Variants in ZNF439 observed in about 807,000 individuals in gnomAD.
The protein encoded by ZNF439 is zinc finger protein 439.
ZNF439 carries 40 observed loss-of-function variants against 47.3 expected under a neutral mutation model. That is an observed-to-expected ratio of 0.85 (90% CI 0.66 to 1.10). The LOEUF is 1.10. Ranked by LOEUF, ZNF439 falls within the 50% of genes least tolerant of loss-of-function variation. ZNF439 has a pLI of 0.00. For missense variants in ZNF439, 556 were observed against 601.1 expected (o/e 0.93, Z 0.78); for synonymous variants, 171 against 198.8 (o/e 0.86, Z 1.18).
Position 11,867,917 on chromosome 19 carries a change from G to C in ZNF439, c.863G>C (p.Arg288Thr), listed in dbSNP as rs1378336768. ...QECGKAFHSP[R>T]SCHRHERSHM... is the part of the protein sequence containing the mutation. ...TGTGGGAAAGCATTCCATAGTCCCAGATCCTGTCACAGACATGAAAGGAGT... is the reference window on the plus strand; with the variant it reads ...TGTGGGAAAGCATTCCATAGTCCCACATCCTGTCACAGACATGAAAGGAGT... The change falls in exon 4 of 4, where the codon AGA becomes ACA. Residue 288 changes from arginine (R) to threonine (T), a missense_variant. By Grantham distance (71) the Arg-to-Thr change is moderately conservative (BLOSUM62 -1). Transcript: ENST00000682736. 2 of 1,613,818 alleles carry C rather than the reference G, an allele frequency of 1.2e-6. No individual in the cohort carries two copies. Among genetic ancestry groups the C allele is most frequent in the South Asian group, 1.1e-5 (1 of 91,070 alleles).
intron 1 of ZNF439, among the ~76,000 whole-genome samples, chr19:11,852,384 A>G (rs1976271772): frequency 6.6e-6 from 1 of 152,244 alleles, no homozygotes; most frequent in African/African-American, 2.4e-5. Flanking sequence ...ATCTGTAATC[A>G]AGGAAAGAGG....
Position 11,848,924 on chromosome 19 carries a change from G to C in ZNF439, c.57G>C (p.Arg19=). The change falls in exon 1 of 4, where the codon CGG becomes CGC. Residue 19 remains arginine, a synonymous_variant. Coordinates refer to ENST00000682736, the MANE Select transcript of ZNF439 (RefSeq NM_001348719.2). ...AGGACCCCGGTACATCTGAAAGCCG[G>C]GAAATGGTGCGTGTGCTGGCCGGGA... ...CREDPGTSES[R]EMDPVAFKDV... 1 of 1,571,020 alleles carries C rather than the reference G, an allele frequency of 6.4e-7. No individual in the cohort carries two copies. The highest frequency in any genetic ancestry group is 8.7e-7 in the Non-Finnish European group (1 of 1,153,156).
intron 1 of ZNF439, 105 bp from the exon 2 acceptor site, chr19:11,866,100 A>C (rs1976672382): frequency 6.4e-7 from 1 of 1,563,468 alleles, no homozygotes; most frequent in South Asian, 1.2e-5. Context: ...GCAGGGAATA[A>C]ATGTTTGGAG....
Position 11,866,080 on chromosome 19 carries a change from G to C in ZNF439, c.64-125G>C, listed in dbSNP as rs1228064724. ...AGTATAGACAGAGAGAAAGGGATCT[G>C]ATGACCAAAGCAGGGAATAAATGTT... On this transcript the variant is annotated intron_variant, in intron 1 of 3. Transcript: ENST00000682736. 4 of 1,537,330 alleles carry C rather than the reference G, an allele frequency of 2.6e-6. No individual in the cohort carries two copies. The African/African-American group carries it at 5.6e-5, about 21-fold the overall frequency.
intron 1 of ZNF439, among the ~76,000 whole-genome samples, chr19:11,853,454 G>A (rs938537398): frequency 5.9e-5 from 9 of 152,176 alleles, no homozygotes; most frequent in Admixed American, 5.2e-4. Flanking sequence ...AGAGAAGCGG[G>A]TGGTTGTAGG....
Position 11,864,799 on chromosome 19 carries a change from C to CT in ZNF439, c.64-1394dup, listed in dbSNP as rs945441722. 4.3e-3 allele frequency among the ~76,000 whole-genome samples: 617 copies of CT among 144,772 alleles called. 5 individuals carry two copies. Among genetic ancestry groups the CT allele is most frequent in the South Asian group, 0.023 (103 of 4,572 alleles). 95.0% of individuals were successfully genotyped at this position (144,772 alleles called of 152,430 possible). On this transcript the variant is annotated intron_variant, in intron 1 of 3. Coordinates refer to ENST00000682736, the MANE Select transcript of ZNF439 (RefSeq NM_001348719.2). ...GGCCAAGATATTGTTTTCTTTCTTT[C>CT]TTTTTTTTTTTTGAGATGCAGTTTC...
At chr19:11,849,918 CGTCAGTTGCTGCAT>C (rs1568251902) in intron 1 of ZNF439, 1 of 152,068 alleles carries the variant, frequency 6.6e-6, no homozygotes, top group Admixed American at 6.6e-5. Flanking sequence ...CATGAATGTG[CGTCAGTTGCTGCAT>C]GTAAACTCCT....
At position 11,867,303 on chromosome 19, in the gene ZNF439, C is replaced by T. The variant is rs1292852459; in HGVS notation, c.252-3C>T. 1 of 1,599,920 alleles carries T rather than the reference C, an allele frequency of 6.3e-7. No homozygotes were observed. ...TTCATAATTTGTTTCTCATTTTTGA[C>T]AGGAGTGTCACAGAAGAGAAAGTCA... is the stretch of plus-strand genomic sequence containing the variant. On this transcript the variant is annotated splice_region_variant and splice_polypyrimidine_tract_variant and intron_variant, in intron 3 of 3. Coordinates refer to ENST00000682736, the MANE Select transcript of ZNF439 (RefSeq NM_001348719.2).
chr19:11,851,406 C>T (rs987186711), intron 1 of ZNF439, among the ~76,000 whole-genome samples: 3 of 152,104 alleles, frequency 2.0e-5, no homozygotes, highest in Non-Finnish European at 2.9e-5. Flanking sequence ...ATTGGGACAT[C>T]GGGACATTCT....
intron 1 of ZNF439, chr19:11,857,446 T>C (rs904375797): frequency 6.6e-6 from 1 of 152,230 alleles, no homozygotes; most frequent in African/African-American, 2.4e-5. Flanking sequence ...AACTGTTTGA[T>C]TAGGTAGAAA....
chr19:11,848,918 A>C lies in ZNF439; in HGVS notation c.51A>C (p.Glu17Asp). ...RSCREDPGTS[E>D]SREMDPVAFK... ...GTAGAGAGGACCCCGGTACATCTGA[A>C]AGCCGGGAAATGGTGCGTGTGCTGG... Residue 17 changes from glutamate (E) to aspartate (D), a missense_variant, in exon 1 of 4, where the codon GAA (glutamate) becomes GAC (aspartate). Coordinates refer to ENST00000682736, the MANE Select transcript of ZNF439 (RefSeq NM_001348719.2). 1 of 1,571,708 alleles carries C rather than the reference A, an allele frequency of 6.4e-7. No individual in the cohort carries two copies. Among genetic ancestry groups the C allele is most frequent in the Non-Finnish European group, 8.7e-7 (1 of 1,153,542 alleles).
At chr19:11,854,712 C>T (rs536415265) in intron 1 of ZNF439, among the ~76,000 whole-genome samples, 1 of 151,960 alleles carries the variant, frequency 6.6e-6, no homozygotes, top group African/African-American at 2.4e-5. Flanking sequence ...GAGCCGAGAT[C>T]GTGCCACCGC....
chr19:11,853,763 G>A (rs550220617), intron 1 of ZNF439, among the ~76,000 whole-genome samples: 23 of 152,256 alleles, frequency 1.5e-4, no homozygotes, highest in African/African-American at 5.5e-4. Flanking sequence ...GCCAGGTTGG[G>A]CAGCTCTCAT....
At position 11,868,831 on chromosome 19, in the gene ZNF439, G is replaced by T; in HGVS notation, c.*262G>T. 1.9e-6 allele frequency: 1 copy of T among 526,564 alleles called. No individual in the cohort carries two copies. Among genetic ancestry groups the T allele is most frequent in the South Asian group, 2.3e-5 (1 of 44,046 alleles). The allele number at this position is 526,564 out of a possible 1,614,324, so 32.6% of individuals were successfully genotyped here. A position where few individuals can be genotyped will look rare whatever the true frequency, so the allele number is the denominator to read the frequency against. On this transcript the variant is annotated 3_prime_UTR_variant, in exon 4 of 4. Transcript: ENST00000682736. ...GAGAAACCCTATGAATGTAAGAAAT[G>T]TGGAAAAGCGTTCCATAATTTCTCT...
At chr19:11,849,063 G>A in intron 1 of ZNF439, 133 bp downstream of exon 1, 2 of 1,227,686 alleles carry the variant, frequency 1.6e-6, no homozygotes, top group Admixed American at 7.0e-5. Context: ...CGGTCCCCGC[G>A]GCCGCTGGAT....
intron 3 of ZNF439, 37 bp downstream of exon 3, chr19:11,866,634 A>G (rs1218581914): frequency 2.5e-6 from 4 of 1,586,904 alleles, no homozygotes; most frequent in South Asian, 1.1e-5. Flanking sequence ...GTGTCTCTCT[A>G]CACGATCTTA....
In ZNF439 at chr19:11,866,067, G is replaced by C. The variant is rs868175293; in HGVS notation, c.64-138G>C. On this transcript the variant is annotated intron_variant, in intron 1 of 3. Coordinates refer to ENST00000682736, the MANE Select transcript of ZNF439 (RefSeq NM_001348719.2). ...ATGGAAGAAAGTAAGTATAGACAGA[G>C]AGAAAGGGATCTGATGACCAAAGCA... 14 of 1,525,584 alleles carry C rather than the reference G, an allele frequency of 9.2e-6. No individual in the cohort carries two copies. The African/African-American group carries it at 1.8e-4, about 20-fold the overall frequency. 94.5% of individuals were successfully genotyped at this position (1,525,584 alleles called of 1,614,324 possible). A position where few individuals can be genotyped will look rare whatever the true frequency, so the allele number is the denominator to read the frequency against.
Position 11,869,319 on chromosome 19 carries a change from A to C in ZNF439, c.*750A>C, listed in dbSNP as rs927081646. On this transcript the variant is annotated 3_prime_UTR_variant, in exon 4 of 4. Transcript: ENST00000682736. The stretch of plus-strand genomic sequence containing the variant: ...ACTCACACTTGGCAGAAACTCTATG[A>C]ATGTAAGCAGTATGGGAAAGCCTTC... 2 of 173,902 alleles carry C rather than the reference A, an allele frequency of 1.2e-5. No homozygotes were observed. Among genetic ancestry groups the C allele is most frequent in the Non-Finnish European group, 2.6e-5 (2 of 76,338 alleles). 10.8% of individuals were successfully genotyped at this position (173,902 alleles called of 1,614,324 possible). A position where few individuals can be genotyped will look rare whatever the true frequency, so the allele number is the denominator to read the frequency against.
At chr19:11,867,210 G>A in intron 3 of ZNF439, 96 bp from the exon 4 acceptor site, 1 of 1,388,716 alleles carries the variant, frequency 7.2e-7, no homozygotes, top group Non-Finnish European at 9.8e-7. Context: ...CCTACACTTT[G>A]ATGGAGAGTG....
Sources: allele counts gnomAD v4.1 joint callset (sites outside exome capture counted in the v4.1 genomes callset), GRCh38; gene constraint gnomAD v4.1.1; transcripts MANE v1.5; gene names NCBI Gene and HGNC (gene_info 2026-07-23, HGNC 2026-07-21).